The following AGBL1 variants were observed in gnomAD, a reference collection of about 807,000 sequenced individuals.
AGBL1 encodes AGBL carboxypeptidase 1.
AGBL1 carries 130 observed loss-of-function variants against 118.9 expected under a neutral mutation model. The ratio of observed to expected loss-of-function variants is 1.09; its 90% CI spans 0.95 to 1.26. The LOEUF (loss-of-function observed/expected upper bound fraction) is 1.26, where lower values mean the gene tolerates loss of function less well. Ranked by LOEUF, AGBL1 falls within the 50% of genes most tolerant of loss-of-function variation. The probability of loss-of-function intolerance (pLI) is 0.00; values close to 1 mark genes in which losing one functional copy is unlikely to be tolerated. For missense variants in AGBL1, 1,584 were observed against 1,298.1 expected (o/e 1.22, Z -3.38); for synonymous variants, 555 against 478.9 (o/e 1.16, Z -2.08).
chr15:86,897,779 T>C (rs1299277498), intron 22 of AGBL1, among the ~76,000 whole-genome samples: 2 of 143,928 alleles, frequency 1.4e-5, no homozygotes, highest in Non-Finnish European at 3.0e-5. Flanking sequence ...TTTTTTTTTT[T>C]TTTTTTTTGA....
Position 86,447,180 on chromosome 15 carries a change from T to C in AGBL1, c.2555+49634T>C, listed in dbSNP as rs16977254. Among the ~76,000 whole-genome samples, 472 of 152,354 alleles carry C rather than the reference T, an allele frequency of 3.1e-3. 1 individual carries two copies. Among genetic ancestry groups the C allele is most frequent in the African/African-American group, 0.011 (442 of 41,580 alleles). On this transcript the variant is annotated intron_variant, in intron 18 of 22. Coordinates refer to ENST00000614907, the MANE Select transcript of AGBL1 (RefSeq NM_001386094.1). ...GTACCCAAATTTCCTTCTGTGTATT[T>C]AATTTCCGCCTCTTCTCCACCATGT...
intron 22 of AGBL1, among the ~76,000 whole-genome samples, chr15:86,884,284 A>G (rs549531729): frequency 2.1e-4 from 32 of 152,300 alleles, no homozygotes; most frequent in African/African-American, 7.5e-4. Context: ...TAGTATACAC[A>G]GGGTGGGTTC....
chr15:86,927,740 A>C (rs983774188), intron 23 of AGBL1, among the ~76,000 whole-genome samples: 13 of 152,220 alleles, frequency 8.5e-5, no homozygotes, highest in African/African-American at 2.9e-4. Flanking sequence ...ATGTGCCAGC[A>C]TACTAGAAAT....
At position 86,546,097 on chromosome 15, in the gene AGBL1, G is replaced by T. The variant is rs755495399; in HGVS notation, c.2781G>T (p.Val927=). 1.2e-6 allele frequency: 2 copies of T among 1,613,366 alleles called. No homozygotes were observed. Among genetic ancestry groups the T allele is most frequent in the Admixed American group, 1.7e-5 (1 of 59,894 alleles). ...CCTTGTGGCAAGCAGCATGCACTGTGGGCACATCTACTATCCTAGAGGAGG... is the reference window on the plus strand; with the variant it reads ...CCTTGTGGCAAGCAGCATGCACTGTTGGCACATCTACTATCCTAGAGGAGG... ...KETLWQAACT[V]GTSTILEEVN... Residue 927 remains valine, a synonymous_variant, in exon 20 of 23, where the codon GTG becomes GTT. Coordinates refer to ENST00000614907, the MANE Select transcript of AGBL1 (RefSeq NM_001386094.1).
chr15:86,464,721 G>C (rs887319677), intron 18 of AGBL1, among the ~76,000 whole-genome samples: 2 of 151,986 alleles, frequency 1.3e-5, no homozygotes, highest in Non-Finnish European at 2.9e-5. Context: ...TTGTTGGTTT[G>C]GTTTATTTGA....
chr15:86,722,552 C>A (rs1178299074), intron 22 of AGBL1, among the ~76,000 whole-genome samples: 3 of 152,130 alleles, frequency 2.0e-5, no homozygotes, highest in Admixed American at 6.5e-5. Flanking sequence ...ACCATAAAAA[C>A]CCTAGAAGAA....
intron 19 of AGBL1, among the ~76,000 whole-genome samples, chr15:86,541,616 A>AAAAAAAGAGAG (rs1555423985): frequency 1.0e-5 from 1 of 97,064 alleles, no homozygotes; most frequent in African/African-American, 4.2e-5. Flanking sequence ...AAAAAAAAAA[A>AAAAAAAGAGAG]AGAGAGAGAG....
chr15:86,092,508 C>A (rs962640957), intron 1 of AGBL1, among the ~76,000 whole-genome samples: 1 of 152,018 alleles, frequency 6.6e-6, no homozygotes, highest in Non-Finnish European at 1.5e-5. Flanking sequence ...AATCAATGTT[C>A]TAATGATAAA....
At chr15:86,175,276 C>T (rs1290564748) in intron 5 of AGBL1, among the ~76,000 whole-genome samples, 1 of 151,836 alleles carries the variant, frequency 6.6e-6, no homozygotes, top group Non-Finnish European at 1.5e-5. Flanking sequence ...CATCATTTTC[C>T]TCTAGGTTTT....
chr15:86,238,270 A>G (rs566736172), intron 6 of AGBL1, among the ~76,000 whole-genome samples: 3 of 152,162 alleles, frequency 2.0e-5, no homozygotes, highest in East Asian at 1.9e-4. Flanking sequence ...GGCTTTCTCT[A>G]TTTCATTTTC....
intron 21 of AGBL1, among the ~76,000 whole-genome samples, chr15:86,610,529 C>A (rs1184445717): frequency 6.6e-6 from 1 of 152,094 alleles, no homozygotes; most frequent in African/African-American, 2.4e-5. Context: ...CACTGTTCTG[C>A]CCCAGGGAGA....
chr15:86,922,238 A>T (rs969258609), intron 23 of AGBL1, among the ~76,000 whole-genome samples: 1 of 152,248 alleles, frequency 6.6e-6, no homozygotes. Context: ...CTTCACCAAT[A>T]AAATTACATT....
intron 3 of AGBL1, among the ~76,000 whole-genome samples, chr15:86,149,147 C>T (rs937387999): frequency 2.0e-5 from 3 of 152,146 alleles, no homozygotes; most frequent in Non-Finnish European, 4.4e-5. Context: ...TGGAAAGAAA[C>T]AACCACTACC....
At chr15:86,258,892 A>C (rs1198066406) in intron 9 of AGBL1, among the ~76,000 whole-genome samples, 1 of 152,140 alleles carries the variant, frequency 6.6e-6, no homozygotes, top group Admixed American at 6.5e-5. Context: ...TTTTTAGTAG[A>C]AACAGGATTT....
At chr15:86,767,676 G>T (rs541246773) in intron 22 of AGBL1, among the ~76,000 whole-genome samples, 24 of 152,016 alleles carry the variant, frequency 1.6e-4, no homozygotes, top group Non-Finnish European at 3.1e-4. Flanking sequence ...TTATAGTAGA[G>T]AAAACTGAGA....
chr15:86,375,402 G>T (rs934723499), intron 17 of AGBL1, among the ~76,000 whole-genome samples: 7 of 151,834 alleles, frequency 4.6e-5, no homozygotes, highest in Non-Finnish European at 1.0e-4. Flanking sequence ...AGAACAGCAT[G>T]GGGGAGACTG....
At chr15:86,209,198 T>G (rs954658289) in intron 5 of AGBL1, among the ~76,000 whole-genome samples, 18 of 152,326 alleles carry the variant, frequency 1.2e-4, no homozygotes, top group South Asian at 2.1e-4. Flanking sequence ...TTGTGATTTC[T>G]GTTCTTTTAC....
rs76880418 is a variant in AGBL1 at position 86,604,124 on chromosome 15, C to T, written c.2994+49587C>T. ...TTACATCCATTTCTAACAAACTCAT[C>T]GGGGCCACCTCAGCAGATATTAAAA... On this transcript the variant is annotated intron_variant, in intron 21 of 22. Transcript: ENST00000614907. Among the ~76,000 whole-genome samples, 124 of 150,516 alleles carry T rather than the reference C, an allele frequency of 8.2e-4. 1 individual carries two copies. In the Middle Eastern group the frequency reaches 0.014, roughly 17 times the overall value.
At chr15:86,277,710 C>T (rs574006498) in intron 15 of AGBL1, among the ~76,000 whole-genome samples, 3 of 152,298 alleles carry the variant, frequency 2.0e-5, no homozygotes, top group Admixed American at 6.5e-5. Context: ...ACCCTACTGG[C>T]CCTTCGGGAC....
Sources: gnomAD v4.1 joint callset for allele counts (sites outside exome capture counted in the v4.1 genomes callset) on GRCh38, gnomAD v4.1.1 for gene constraint, MANE v1.5 for transcripts, NCBI Gene and HGNC (gene_info 2026-07-23, HGNC 2026-07-21) for gene names.